The following PUS7L variants were observed in gnomAD, a reference collection of about 807,000 sequenced individuals.
The protein encoded by PUS7L is pseudouridine synthase 7 like.
In PUS7L, 49 loss-of-function variants were observed where a neutral mutation model predicts 51.1. The ratio of observed to expected loss-of-function variants is 0.96; its 90% CI spans 0.76 to 1.22. The LOEUF (loss-of-function observed/expected upper bound fraction) is 1.22, where lower values mean the gene tolerates loss of function less well. PUS7L is among the 50% of genes most tolerant of loss of function. The pLI, the probability that PUS7L is intolerant of heterozygous loss-of-function variation, is 0.00. For missense variants in PUS7L, 828 were observed against 820.6 expected (o/e 1.01, Z -0.11); for synonymous variants, 277 against 276.2 (o/e 1.00, Z -0.03).
intron 5 of PUS7L, chr12:43,739,613 T>C (rs1158594040): frequency 6.6e-6 from 1 of 152,246 alleles, no homozygotes; most frequent in Non-Finnish European, 1.5e-5. Flanking sequence ...TTTGTATTTT[T>C]AGTAGAGACA....
chr12:43,758,232 G>C, intron 1 of PUS7L: 6 of 810,034 alleles, frequency 7.4e-6, no homozygotes, highest in Non-Finnish European at 9.0e-6. Flanking sequence ...GAAACAGGTA[G>C]GGAAACTTGG....
At chr12:43,751,827 G>C (rs1199698058) in intron 2 of PUS7L, among the ~76,000 whole-genome samples, 2 of 152,162 alleles carry the variant, frequency 1.3e-5, no homozygotes, top group Non-Finnish European at 2.9e-5. Flanking sequence ...GTGTAAAAGT[G>C]TTCCTATTTC....
Position 43,755,116 on chromosome 12 carries a change from G to T in PUS7L, c.130C>A (p.Gln44Lys). The T allele has an allele frequency of 6.2e-7, 1 of 1,613,460 alleles. No individual in the cohort carries two copies. Among genetic ancestry groups the T allele is most frequent in the Non-Finnish European group, 8.5e-7 (1 of 1,179,614 alleles). Residue 44 changes from glutamine (Q) to lysine (K), a missense_variant, in exon 2 of 9, where the codon CAG becomes AAG. Physicochemically the swap from Gln to Lys is moderately conservative, Grantham distance 53. Coordinates refer to ENST00000344862, the MANE Select transcript of PUS7L (RefSeq NM_031292.5). Reference sequence around the variant, plus strand: ...TCATCGATGGTCTTATTAACTAACTGTCCCTGTTCATCAATTTCAATAACA... The same window carrying T: ...TCATCGATGGTCTTATTAACTAACTTTCCCTGTTCATCAATTTCAATAACA... Reference protein sequence around the residue: ...FIVIEIDEQGQLVNKTIDEPI... With the variant: ...FIVIEIDEQGKLVNKTIDEPI...
At chr12:43,733,188 AG>A (rs1211590305) in intron 7 of PUS7L, among the ~76,000 whole-genome samples, 1 of 152,166 alleles carries the variant, frequency 6.6e-6, no homozygotes, top group Non-Finnish European at 1.5e-5. Flanking sequence ...ACACACACAA[AG>A]AAAAGTTACC....
chr12:43,736,452 C>A lies in PUS7L; in HGVS notation c.1654G>T (p.Ala552Ser), dbSNP rs1423616020. The change falls in exon 7 of 9, where the codon GCA (alanine) becomes TCA (serine). Residue 552 changes from alanine (A) to serine (S), a missense_variant. Physicochemically the swap from Ala to Ser is moderately conservative, Grantham distance 99. Transcript: ENST00000344862. ...ACCAAATCACCCTGCACTACTCTTGCTCCATAGGTTTCAAGTCTGTAAGAT... is the reference window on the plus strand; with the variant it reads ...ACCAAATCACCCTGCACTACTCTTGATCCATAGGTTTCAAGTCTGTAAGAT... ...AVSYRLETYG[A>S]RVVQGDLVCL... 11 of 1,614,160 alleles carry A rather than the reference C, an allele frequency of 6.8e-6. No homozygotes were observed. Among genetic ancestry groups the A allele is most frequent in the Non-Finnish European group, 9.3e-6 (11 of 1,180,010 alleles).
intron 5 of PUS7L, chr12:43,739,962 G>GTAA (rs2137695252): frequency 6.6e-6 from 1 of 152,152 alleles, no homozygotes; most frequent in East Asian, 1.9e-4. Flanking sequence ...TAAAATAATG[G>GTAA]CATACATTTC....
At chr12:43,742,618 C>T in intron 4 of PUS7L, 63 bp from the exon 5 acceptor site, 1 of 1,471,176 alleles carries the variant, frequency 6.8e-7, no homozygotes, top group Non-Finnish European at 9.1e-7. Flanking sequence ...TCAAAATACA[C>T]AATTGAATTT....
intron 5 of PUS7L, chr12:43,739,375 T>A (rs1937774444): frequency 6.6e-6 from 1 of 152,196 alleles, no homozygotes; most frequent in Non-Finnish European, 1.5e-5. Context: ...GCTATAACTT[T>A]CAGGTTAGGA....
chr12:43,730,848 A>C (rs143266777), intron 8 of PUS7L, 146 bp from the exon 9 acceptor site: 9,093 of 594,874 alleles, frequency 0.015, 107 homozygotes, highest in South Asian at 0.044. Flanking sequence ...AACATGCTTT[A>C]AATAATATGC....
intron 2 of PUS7L, among the ~76,000 whole-genome samples, chr12:43,749,078 T>C (rs1301057142): frequency 6.6e-6 from 1 of 152,212 alleles, no homozygotes; most frequent in East Asian, 1.9e-4. Context: ...TCAGCTGTTA[T>C]TTTTAAACTG....
Position 43,729,420 on chromosome 12 carries a change from C to T in PUS7L, c.*956G>A, listed in dbSNP as rs976705733. The T allele has an allele frequency of 1.9e-5, 7 of 376,088 alleles. No homozygotes were observed. Among genetic ancestry groups the T allele is most frequent in the Non-Finnish European group, 3.3e-5 (7 of 211,574 alleles). The allele number at this position is 376,088 out of a possible 1,614,324, so 23.3% of individuals were successfully genotyped here. On this transcript the variant is annotated 3_prime_UTR_variant, in exon 9 of 9. Transcript: ENST00000344862. ...ATGCTCAGATCTTCCTAAATCAATA[C>T]ATGTCTACATGCCAGTCATTCCTCC...
At chr12:43,735,933 C>T (rs1944677886) in intron 7 of PUS7L, among the ~76,000 whole-genome samples, 1 of 152,196 alleles carries the variant, frequency 6.6e-6, no homozygotes, top group South Asian at 2.1e-4. Context: ...TGCGCTACCA[C>T]ACCTGGCTAA....
At chr12:43,741,935 G>C (rs531036138) in intron 5 of PUS7L, among the ~76,000 whole-genome samples, 25 of 152,004 alleles carry the variant, frequency 1.6e-4, no homozygotes, top group Non-Finnish European at 3.1e-4. Flanking sequence ...CTCCATTTTA[G>C]TGTAAAAATA....
Position 43,720,318 on chromosome 12 carries a change from T to A in PUS7L, c.*10058A>T, listed in dbSNP as rs1944382660. On this transcript the variant is annotated 3_prime_UTR_variant, in exon 9 of 9. Transcript: ENST00000344862. ...GGCCAACATGGTGAAATCCCATCTCTAATAAAAATACAAAAATTAGCTGGG... is the reference window on the plus strand; with the variant it reads ...GGCCAACATGGTGAAATCCCATCTCAAATAAAAATACAAAAATTAGCTGGG... 6.6e-6 allele frequency: 1 copy of A among 152,174 alleles called. No individual in the cohort carries two copies. The allele number at this position is 152,174 out of a possible 1,614,324, so 9.4% of individuals were successfully genotyped here.
rs199754356 is a variant in PUS7L, at chr12:43,726,826, TAA to T, written c.*3548_*3549del. 1.5e-4 allele frequency: 21 copies of T among 137,590 alleles called. No individual in the cohort carries two copies. The highest frequency in any genetic ancestry group is 3.6e-4 in the Admixed American group (5 of 13,830). 8.5% of individuals were successfully genotyped at this position (137,590 alleles called of 1,614,324 possible). A position where few individuals can be genotyped will look rare whatever the true frequency, so the allele number is the denominator to read the frequency against. On this transcript the variant is annotated 3_prime_UTR_variant, in exon 9 of 9. Coordinates refer to ENST00000344862, the MANE Select transcript of PUS7L (RefSeq NM_031292.5). ...CTGGGTGACAGAAGGAAACTCCATC[TAA>T]AAAAAAAAAAAAATTGACAAGTGGG...
chr12:43,732,248 C>T (rs529763974), intron 7 of PUS7L, among the ~76,000 whole-genome samples: 15 of 152,006 alleles, frequency 9.9e-5, no homozygotes, highest in African/African-American at 3.6e-4. Context: ...TTGAGACCAG[C>T]ATGGACAACA....
At position 43,754,446 on chromosome 12, in the gene PUS7L, C is replaced by A. The variant is rs1175373322; in HGVS notation, c.800G>T (p.Cys267Phe). Residue 267 changes from cysteine to phenylalanine, a missense_variant, in exon 2 of 9, where the codon TGC (cysteine) becomes TTC (phenylalanine). Cys to Phe is a radical substitution (Grantham distance 205, BLOSUM62 -2). Coordinates refer to ENST00000344862, the MANE Select transcript of PUS7L (RefSeq NM_031292.5). Reference protein sequence around the residue: ...VETKSFSKMNCSAGNPNVVVT... With the variant: ...VETKSFSKMNFSAGNPNVVVT... Reference sequence around the variant, plus strand: ...CACCACATTCGGATTACCAGCACTGCAATTCATTTTAGAAAAAGATTTGGT... The same window carrying A: ...CACCACATTCGGATTACCAGCACTGAAATTCATTTTAGAAAAAGATTTGGT... 1 of 1,613,848 alleles carries A rather than the reference C, an allele frequency of 6.2e-7. No individual in the cohort carries two copies.
chr12:43,757,628 T>C (rs953575396), intron 1 of PUS7L, among the ~76,000 whole-genome samples: 1 of 152,214 alleles, frequency 6.6e-6, no homozygotes, highest in Non-Finnish European at 1.5e-5. Context: ...ATCACACATT[T>C]TGAACAGTGT....
chr12:43,758,243 G>C, intron 1 of PUS7L: 1 of 878,302 alleles, frequency 1.1e-6, no homozygotes. Context: ...GGAAACTTGG[G>C]GAGAATGTAA....
Sources: gnomAD v4.1 joint callset for allele counts (sites outside exome capture counted in the v4.1 genomes callset) on GRCh38, gnomAD v4.1.1 for gene constraint, MANE v1.5 for transcripts, NCBI Gene and HGNC (gene_info 2026-07-23, HGNC 2026-07-21) for gene names.